STK33: variants seen among roughly 807,000 people sequenced by gnomAD.
The protein encoded by STK33 is serine/threonine kinase 33.
Under a neutral mutation model 58.0 loss-of-function variants are expected in STK33, and 52 were observed. That is an observed-to-expected ratio of 0.90 (90% CI 0.72 to 1.13). STK33 has a LOEUF of 1.13. Among genes scored for constraint, STK33 ranks in the 50% most tolerant of loss-of-function variants. STK33 has a pLI of 0.00. For missense variants in STK33, 630 were observed against 604.2 expected, an observed-to-expected ratio of 1.04 and a Z score of -0.45; for synonymous variants, 215 against 200.1, an observed-to-expected ratio of 1.07 and a Z score of -0.63.
intron 11 of STK33, among the ~76,000 whole-genome samples, chr11:8,441,721 T>C (rs1443301108): frequency 6.6e-6 from 1 of 151,970 alleles, no homozygotes; most frequent in Non-Finnish European, 1.5e-5. Flanking sequence ...TCTATAGCTA[T>C]GAATCAGATA....
chr11:8,586,978 G>A (rs1201074418), intron 1 of STK33, among the ~76,000 whole-genome samples: 1 of 152,162 alleles, frequency 6.6e-6, no homozygotes, highest in Admixed American at 6.5e-5. Context: ...TCAAATTAGG[G>A]AAGTGAGGAT....
At chr11:8,384,184 T>C in the STK33 span, among the ~76,000 whole-genome samples, 2 of 142,328 alleles carry the variant, frequency 1.4e-5, no homozygotes, top group African/African-American at 5.0e-5. Flanking sequence ...TCATAATAAT[T>C]AGTTTTTAGT....
chr11:8,572,225 A>T (rs1957877407), intron 1 of STK33, among the ~76,000 whole-genome samples: 1 of 152,110 alleles, frequency 6.6e-6, no homozygotes, highest in Non-Finnish European at 1.5e-5. Context: ...ATCTTAATAC[A>T]CAGGGCAGCA....
At chr11:8,520,154 T>C (rs796170018) in intron 1 of STK33, among the ~76,000 whole-genome samples, 9 of 151,938 alleles carry the variant, frequency 5.9e-5, no homozygotes, top group Non-Finnish European at 1.2e-4. Flanking sequence ...CATGATCAAG[T>C]CAGCTTCATC....
intron 15 of STK33, among the ~76,000 whole-genome samples, chr11:8,394,246 G>T (rs747477224): frequency 3.9e-5 from 6 of 152,178 alleles, no homozygotes; most frequent in African/African-American, 1.4e-4. Flanking sequence ...CCTGATGTTA[G>T]AGCATCTGGC....
At chr11:8,439,652 G>T (rs528941662) in intron 12 of STK33, among the ~76,000 whole-genome samples, 1 of 151,236 alleles carries the variant, frequency 6.6e-6, no homozygotes, top group African/African-American at 2.4e-5. Flanking sequence ...ATGACACAGG[G>T]TGTGTCCGAG....
chr11:8,352,152 T>A, the STK33 span, among the ~76,000 whole-genome samples: 4 of 151,990 alleles, frequency 2.6e-5, 1 homozygote, highest in South Asian at 8.3e-4. Context: ...AGCCAGGCAG[T>A]GGTTTGGGGG....
intron 11 of STK33, among the ~76,000 whole-genome samples, chr11:8,445,177 CTCTG>C (rs772266629): frequency 3.3e-5 from 5 of 151,912 alleles, no homozygotes; most frequent in Admixed American, 2.0e-4. Flanking sequence ...CGATTTGGCT[CTCTG>C]TCTGTTATTG....
At chr11:8,533,191 C>G (rs1442056494) in intron 1 of STK33, among the ~76,000 whole-genome samples, 1 of 152,178 alleles carries the variant, frequency 6.6e-6, no homozygotes, top group Non-Finnish European at 1.5e-5. Flanking sequence ...ACCCTTTTCC[C>G]ATGATGTTAG....
At chr11:8,362,768 C>T in the STK33 span, among the ~76,000 whole-genome samples, 1 of 152,180 alleles carries the variant, frequency 6.6e-6, no homozygotes, top group Admixed American at 6.5e-5. Context: ...GCCCCTTCCT[C>T]AGCAGCAGCC....
At chr11:8,434,222 T>C (rs1943766890) in intron 14 of STK33, 1 of 155,590 alleles carries the variant, frequency 6.4e-6, no homozygotes, top group South Asian at 1.3e-4. Flanking sequence ...CACTCCAGCC[T>C]GGTGACAGAG....
intron 1 of STK33, among the ~76,000 whole-genome samples, chr11:8,527,128 C>CATATAT (rs147653240): frequency 2.9e-4 from 44 of 150,084 alleles, no homozygotes; most frequent in Admixed American, 4.0e-4. Flanking sequence ...GCCCAGCTAA[C>CATATAT]ATATATATAT....
intron 15 of STK33, among the ~76,000 whole-genome samples, chr11:8,408,054 A>G (rs1371630337): frequency 6.6e-6 from 1 of 152,234 alleles, no homozygotes; most frequent in Non-Finnish European, 1.5e-5. Flanking sequence ...ATCAGAAATG[A>G]TAACTATCTG....
chr11:8,367,880 C>A, the STK33 span, among the ~76,000 whole-genome samples: 1 of 152,166 alleles, frequency 6.6e-6, no homozygotes, highest in Admixed American at 6.5e-5. Context: ...ATCACACACA[C>A]ACACGTATAC....
At chr11:8,359,325 G>C in the STK33 span, among the ~76,000 whole-genome samples, 1 of 152,246 alleles carries the variant, frequency 6.6e-6, no homozygotes, top group African/African-American at 2.4e-5. Context: ...GGAAATGCAT[G>C]CTGAAGTGTT....
intron 1 of STK33, among the ~76,000 whole-genome samples, chr11:8,561,228 G>A (rs1005924171): frequency 6.6e-6 from 1 of 151,870 alleles, no homozygotes; most frequent in African/African-American, 2.4e-5. Flanking sequence ...ATTTCTTCAG[G>A]GACTAGGTCC....
intron 1 of STK33, among the ~76,000 whole-genome samples, chr11:8,577,016 C>T (rs1055652797): frequency 6.6e-6 from 1 of 152,138 alleles, no homozygotes; most frequent in Non-Finnish European, 1.5e-5. Flanking sequence ...TCCCAACGTG[C>T]TGGGACTACA....
chr11:8,464,707 A>AC lies in STK33; in HGVS notation c.453+1dup. On this transcript the variant is annotated splice_donor_variant, in intron 7 of 15. Transcript: ENST00000687296. LOFTEE classifies it high-confidence loss of function. ...CAGTAGGATGCTGCTAATGAGCCTT[A>AC]CCTTTTCTTTGTTCACTTTTTTAAT... 6.2e-7 allele frequency: 1 copy of AC among 1,607,318 alleles called. No homozygotes were observed. Among genetic ancestry groups the AC allele is most frequent in the Non-Finnish European group, 8.5e-7 (1 of 1,174,552 alleles).
intron 11 of STK33, among the ~76,000 whole-genome samples, chr11:8,449,310 G>A (rs1591157901): frequency 6.6e-6 from 1 of 151,560 alleles, no homozygotes; most frequent in African/African-American, 2.4e-5. Flanking sequence ...TATAAATCAT[G>A]CTGCCATAAA....
Sources: gnomAD v4.1 joint callset for allele counts (sites outside exome capture counted in the v4.1 genomes callset) on GRCh38, gnomAD v4.1.1 for gene constraint, MANE v1.5 for transcripts, NCBI Gene and HGNC (gene_info 2026-07-23, HGNC 2026-07-21) for gene names.